VAV3: variants seen among roughly 807,000 people sequenced by gnomAD.
VAV3 encodes vav guanine nucleotide exchange factor 3.
Under a neutral mutation model 131.2 loss-of-function variants are expected in VAV3, and 94 were observed. The observed-to-expected ratio is 0.72, with a 90% confidence interval of 0.61 to 0.85. The LOEUF is 0.85. VAV3 is among the 40% of genes least tolerant of loss of function. The pLI is 0.00. For missense variants in VAV3, 939 were observed against 1,002.7 expected (o/e 0.94, Z 0.86); for synonymous variants, 349 against 342.0 (o/e 1.02, Z -0.22).
chr1:107,615,624 T>C (rs1024398408), intron 21 of VAV3, among the ~76,000 whole-genome samples: 4 of 152,180 alleles, frequency 2.6e-5, no homozygotes, highest in Non-Finnish European at 5.9e-5. Context: ...AAAGGGCTTC[T>C]GCACAGCAAA....
At chr1:107,804,025 T>C (rs553220662) in intron 2 of VAV3, among the ~76,000 whole-genome samples, 2 of 152,082 alleles carry the variant, frequency 1.3e-5, no homozygotes, top group African/African-American at 4.8e-5. Flanking sequence ...CTAAAGTCTT[T>C]GACTAATAAT....
rs1649448038 is a variant in VAV3, at chr1:107,574,120, A to G, written c.2429T>C (p.Leu810Ser). ...CARDMRELSL[L>S]KGDVVKIYTK... ...GTAAATCTTCACCACATCTCCTTTC[A>G]ACAAGGACAACTCTCTCATATCTCT... Residue 810 changes from leucine (L) to serine (S), a missense_variant, in exon 26 of 27, where the codon TTG becomes TCG. Physicochemically the swap from Leu to Ser is moderately radical, Grantham distance 145 (BLOSUM62 -2). Transcript: ENST00000370056. 6.2e-7 allele frequency: 1 copy of G among 1,613,980 alleles called. No individual in the cohort carries two copies. Among genetic ancestry groups the G allele is most frequent in the South Asian group, 1.1e-5 (1 of 91,064 alleles).
intron 17 of VAV3, among the ~76,000 whole-genome samples, chr1:107,690,649 C>T (rs1046788098): frequency 1.1e-4 from 17 of 152,182 alleles, no homozygotes; most frequent in African/African-American, 4.1e-4. Flanking sequence ...AGAGAAGCAA[C>T]TTTCCTCACA....
intron 19 of VAV3, among the ~76,000 whole-genome samples, chr1:107,679,784 A>C (rs371696949): frequency 6.6e-6 from 1 of 152,294 alleles, no homozygotes; most frequent in East Asian, 1.9e-4. Context: ...TTCTTGAAAA[A>C]GGCCTAGCAC....
chr1:107,785,467 G>A, intron 2 of VAV3: 1 of 1,327,034 alleles, frequency 7.5e-7, no homozygotes, highest in Non-Finnish European at 9.9e-7. Flanking sequence ...CAGGGAGGTG[G>A]GCTCTGCAAG....
At chr1:107,844,379 C>T (rs1399564566) in intron 2 of VAV3, among the ~76,000 whole-genome samples, 1 of 151,980 alleles carries the variant, frequency 6.6e-6, no homozygotes, top group East Asian at 1.9e-4. Flanking sequence ...GTTTCAAGCA[C>T]AAAACTGGGT....
chr1:107,608,830 T>A lies in VAV3; in HGVS notation c.2015+1101A>T, dbSNP rs536836658. Among the ~76,000 whole-genome samples, 12 of 152,348 alleles carry A rather than the reference T, an allele frequency of 7.9e-5. No individual in the cohort carries two copies. In the East Asian group the frequency reaches 2.3e-3, roughly 29 times the overall value. ...CATGGTAACATGCAAACCCAACTAG[T>A]ACTATATATTCCCAGGATATTATAT... On this transcript the variant is annotated intron_variant, in intron 22 of 26. Transcript: ENST00000370056.
At position 107,931,435 on chromosome 1, in the gene VAV3, A is replaced by G. The variant is rs893048931; in HGVS notation, c.204+33231T>C. 1.6e-4 allele frequency among the ~76,000 whole-genome samples: 24 copies of G among 152,204 alleles called. 1 individual carries two copies. Among genetic ancestry groups the G allele is most frequent in the Admixed American group, 1.4e-3 (21 of 15,284 alleles). ...TGCCAATTAAAAATAAAAAATATAC[A>G]TTTTTAAAGAATAAAGGGGTATAGT... On this transcript the variant is annotated intron_variant, in intron 1 of 26. Coordinates refer to ENST00000370056, the MANE Select transcript of VAV3 (RefSeq NM_006113.5).
chr1:107,705,871 C>T (rs1457116789), intron 15 of VAV3, among the ~76,000 whole-genome samples: 1 of 152,168 alleles, frequency 6.6e-6, no homozygotes, highest in Non-Finnish European at 1.5e-5. Flanking sequence ...ATTGGGAACT[C>T]TAACTCAGGT....
chr1:107,749,755 T>G (rs1024683337), intron 13 of VAV3, among the ~76,000 whole-genome samples, 161 bp from the exon 14 acceptor site: 1 of 152,178 alleles, frequency 6.6e-6, no homozygotes, highest in Non-Finnish European at 1.5e-5. Flanking sequence ...ATAAGAACTG[T>G]GTGTGGAATT....
intron 2 of VAV3, among the ~76,000 whole-genome samples, chr1:107,783,432 G>C (rs1665807088): frequency 6.6e-6 from 1 of 152,174 alleles, no homozygotes; most frequent in Admixed American, 6.5e-5. Flanking sequence ...GAGTGTTCAG[G>C]AATAGTAGCT....
chr1:107,776,805 T>C (rs1314882394), intron 4 of VAV3, among the ~76,000 whole-genome samples: 1 of 152,144 alleles, frequency 6.6e-6, no homozygotes, highest in African/African-American at 2.4e-5. Flanking sequence ...CCCAAAAAGA[T>C]TCTCTGTTCA....
chr1:107,947,196 C>T (rs910287464), intron 1 of VAV3, among the ~76,000 whole-genome samples: 14 of 152,300 alleles, frequency 9.2e-5, no homozygotes, highest in Admixed American at 3.3e-4. Context: ...GCAGGTCTCC[C>T]AATTCTGGGT....
At chr1:107,961,072 G>C (rs1675061283) in intron 1 of VAV3, among the ~76,000 whole-genome samples, 1 of 152,076 alleles carries the variant, frequency 6.6e-6, no homozygotes, top group Admixed American at 6.6e-5. Context: ...AACAGCGCCT[G>C]GAACATAGTA....
intron 10 of VAV3, among the ~76,000 whole-genome samples, chr1:107,758,879 C>G (rs1159409240): frequency 6.6e-6 from 1 of 152,152 alleles, no homozygotes. Context: ...GTTCTAATAT[C>G]TAATCCCATT....
chr1:107,738,362 G>T (rs1396236656), intron 15 of VAV3, among the ~76,000 whole-genome samples: 5 of 152,132 alleles, frequency 3.3e-5, no homozygotes, highest in African/African-American at 1.2e-4. Flanking sequence ...TTAAAAAAAA[G>T]AAAAGAAAAG....
chr1:107,706,510 C>A (rs1159524220), intron 15 of VAV3, among the ~76,000 whole-genome samples: 2 of 152,166 alleles, frequency 1.3e-5, no homozygotes, highest in African/African-American at 4.8e-5. Flanking sequence ...TGTTCCACTG[C>A]ACGCTGAGAA....
At chr1:107,677,661 A>G (rs985903551) in intron 19 of VAV3, among the ~76,000 whole-genome samples, 1 of 152,238 alleles carries the variant, frequency 6.6e-6, no homozygotes, top group Non-Finnish European at 1.5e-5. Flanking sequence ...CTTCTAAAAC[A>G]TAACTACTAC....
rs138000883 is a variant in VAV3, at chr1:107,791,238, G to A, written c.322-11746C>T. Among the ~76,000 whole-genome samples the A allele has an allele frequency of 2.0e-3, 293 of 149,648 alleles. 4 individuals are homozygous for A. The highest frequency in any genetic ancestry group is 6.8e-3 in the African/African-American group (275 of 40,578). The stretch of plus-strand genomic sequence containing the variant: ...GTAGATTCAGATTGCCAATAGCCTT[G>A]TGTGCCCCATTAAACTCAGAACTTC... On this transcript the variant is annotated intron_variant, in intron 2 of 26. Coordinates refer to ENST00000370056, the MANE Select transcript of VAV3 (RefSeq NM_006113.5).
Sources: gnomAD v4.1 joint callset for allele counts (sites outside exome capture counted in the v4.1 genomes callset) on GRCh38, gnomAD v4.1.1 for gene constraint, MANE v1.5 for transcripts, NCBI Gene and HGNC (gene_info 2026-07-23, HGNC 2026-07-21) for gene names.